Variants in PRKCZ observed in about 807,000 individuals in gnomAD.
The protein encoded by PRKCZ is protein kinase C zeta type.
PRKCZ carries 33 observed loss-of-function variants against 79.5 expected under a neutral mutation model. The ratio of observed to expected loss-of-function variants is 0.41; its 90% CI spans 0.31 to 0.55. The LOEUF is 0.55. Among genes scored for constraint, PRKCZ ranks in the 20% least tolerant of loss-of-function variants. PRKCZ has a pLI of 0.19. For missense variants in PRKCZ, 578 were observed against 813.5 expected (o/e 0.71, Z 3.52); for synonymous variants, 342 against 320.9 (o/e 1.07, Z -0.70).
chr1:2,097,704 G>C (rs1666761993), intron 4 of PRKCZ, among the ~76,000 whole-genome samples: 2 of 152,318 alleles, frequency 1.3e-5, no homozygotes, highest in African/African-American at 4.8e-5. Flanking sequence ...CCCGTGCCAG[G>C]GGGGCCCAGG....
At chr1:2,066,642 C>G (rs535285367) in intron 4 of PRKCZ, among the ~76,000 whole-genome samples, 1 of 152,196 alleles carries the variant, frequency 6.6e-6, no homozygotes, top group South Asian at 2.1e-4. Flanking sequence ...GCGCCCGGCC[C>G]TGCTCTCATC....
chr1:2,108,059 C>T (rs539694836), intron 4 of PRKCZ, among the ~76,000 whole-genome samples: 5 of 152,346 alleles, frequency 3.3e-5, no homozygotes, highest in South Asian at 4.1e-4. Context: ...CTGGGCCAGT[C>T]GGGGTGGTTG....
intron 9 of PRKCZ, among the ~76,000 whole-genome samples, chr1:2,154,209 C>T (rs573971657): frequency 6.6e-5 from 10 of 152,144 alleles, no homozygotes; most frequent in Non-Finnish European, 1.5e-4. Context: ...GGAGGAGATG[C>T]GGGCTGGCGA....
At chr1:2,126,459 C>A (rs1673913280) in intron 4 of PRKCZ, among the ~76,000 whole-genome samples, 2 of 152,094 alleles carry the variant, frequency 1.3e-5, no homozygotes, top group South Asian at 2.1e-4. Flanking sequence ...ACCTGTCTCC[C>A]CCCAGCCGCC....
intron 5 of PRKCZ, among the ~76,000 whole-genome samples, chr1:2,139,514 G>T (rs374890360): frequency 6.6e-6 from 1 of 152,132 alleles, no homozygotes; most frequent in African/African-American, 2.4e-5. Flanking sequence ...GCTTGAACCC[G>T]GGAGGCAGAG....
In PRKCZ at chr1:2,082,728, C is replaced by A. The variant is rs1459623745; in HGVS notation, c.334+23137C>A. On this transcript the variant is annotated intron_variant, in intron 4 of 17. Transcript: ENST00000378567. The surrounding 1 kb of genome is among the most constrained non-coding windows in gnomAD (Gnocchi z 4.4). The stretch of plus-strand genomic sequence containing the variant: ...CCCCTGGAGATGGGATGTCAGGAGA[C>A]CTGGTTCCATTTGTTTTTTTGCCTG... 1.4e-5 allele frequency among the ~76,000 whole-genome samples: 2 copies of A among 146,464 alleles called. No individual in the cohort carries two copies. The highest frequency in any genetic ancestry group is 5.0e-5 in the African/African-American group (2 of 40,308).
chr1:2,171,916 C>A, intron 11 of PRKCZ, 139 bp from the exon 12 acceptor site: 1 of 1,133,928 alleles, frequency 8.8e-7, no homozygotes, highest in South Asian at 1.6e-5. Flanking sequence ...GTGCACTGCA[C>A]TTTCAAATCC....
In PRKCZ at chr1:2,082,156, G is replaced by A. The variant is rs927957225; in HGVS notation, c.334+22565G>A. Reference sequence around the variant, plus strand: ...AGGGCGGACGTGGTCAGGGGTGCTGGACGCGTCAGACGGGTTCTTTGCAGC... The same window carrying A: ...AGGGCGGACGTGGTCAGGGGTGCTGAACGCGTCAGACGGGTTCTTTGCAGC... On this transcript the variant is annotated intron_variant, in intron 4 of 17. Transcript: ENST00000378567. The surrounding 1 kb of genome is among the most constrained non-coding windows in gnomAD (Gnocchi z 4.4). 2.9e-6 allele frequency: 1 copy of A among 341,196 alleles called. No homozygotes were observed. The highest frequency in any genetic ancestry group is 4.4e-5 in the Admixed American group (1 of 22,832). 21.1% of individuals were successfully genotyped at this position (341,196 alleles called of 1,614,324 possible).
intron 4 of PRKCZ, among the ~76,000 whole-genome samples, chr1:2,105,646 C>G (rs986661344): frequency 3.9e-5 from 6 of 152,168 alleles, no homozygotes; most frequent in Admixed American, 3.9e-4. Context: ...GTGGTCCACC[C>G]ACCTCAGCCT....
chr1:2,166,557 G>A (rs957874471), intron 10 of PRKCZ, among the ~76,000 whole-genome samples: 2 of 152,086 alleles, frequency 1.3e-5, no homozygotes, highest in African/African-American at 4.8e-5. Context: ...CATCCCCAGC[G>A]CCTCCAGGCC....
chr1:2,060,431 G>A (rs894058435), intron 4 of PRKCZ, among the ~76,000 whole-genome samples: 4 of 152,292 alleles, frequency 2.6e-5, no homozygotes, highest in African/African-American at 7.2e-5. Flanking sequence ...CAGTTGGGGC[G>A]AGAGTCTTGG....
chr1:2,106,469 A>G (rs3128333), intron 4 of PRKCZ, among the ~76,000 whole-genome samples: 21,297 of 77,524 alleles, frequency 0.27, 2,790 homozygotes, highest in African/African-American at 0.37. Context: ...AAGCCCCTCC[A>G]GTGGGCGAGG....
At chr1:2,112,533 C>T (rs184740446) in intron 4 of PRKCZ, among the ~76,000 whole-genome samples, 179 of 152,294 alleles carry the variant, frequency 1.2e-3, no homozygotes, top group Non-Finnish European at 1.9e-3. Flanking sequence ...GGGGTGCAGC[C>T]GCCGCTTGGA....
At chr1:2,080,752 C>T (rs906223158) in intron 4 of PRKCZ, among the ~76,000 whole-genome samples, 4 of 152,162 alleles carry the variant, frequency 2.6e-5, no homozygotes, top group East Asian at 3.9e-4. Context: ...CCCAGGATCC[C>T]GTCCAGGGCC....
chr1:2,100,149 G>T (rs752009415), intron 4 of PRKCZ, among the ~76,000 whole-genome samples: 3 of 152,188 alleles, frequency 2.0e-5, no homozygotes, highest in Non-Finnish European at 4.4e-5. Context: ...CCCTGCTTCC[G>T]ACCCCACCAC....
chr1:2,094,589 C>T lies in PRKCZ; in HGVS notation c.334+34998C>T, dbSNP rs1316896636. Among the ~76,000 whole-genome samples, 1 of 94,996 alleles carries T rather than the reference C, an allele frequency of 1.1e-5. No homozygotes were observed. The highest frequency in any genetic ancestry group is 1.9e-5 in the Non-Finnish European group (1 of 53,172). 62.3% of individuals were successfully genotyped at this position (94,996 alleles called of 152,430 possible). On this transcript the variant is annotated intron_variant, in intron 4 of 17. Transcript: ENST00000378567. The surrounding 1 kb of genome is among the most constrained non-coding windows in gnomAD (Gnocchi z 7.3). ...ACCTTGGGCGCTGCCCGTTCTGAGG[C>T]GCCCGCTGTGCCCGGCTCGATGAAC...
chr1:2,073,880 G>A (rs948444691), intron 4 of PRKCZ: 16 of 1,163,532 alleles, frequency 1.4e-5, no homozygotes, highest in South Asian at 9.1e-5. Flanking sequence ...CACGCCCGCC[G>A]CGCACAGAGC....
intron 4 of PRKCZ, among the ~76,000 whole-genome samples, chr1:2,106,995 C>T (rs1299423160): frequency 6.7e-6 from 1 of 148,328 alleles, no homozygotes; most frequent in Non-Finnish European, 1.5e-5. Flanking sequence ...CTTGACTTCA[C>T]CAAACGCAGC....
intron 4 of PRKCZ, among the ~76,000 whole-genome samples, chr1:2,079,875 G>A (rs1195766482): frequency 2.0e-5 from 3 of 152,164 alleles, no homozygotes; most frequent in Non-Finnish European, 4.4e-5. Context: ...AGTCCCCAGG[G>A]GAGTGTCCTG....
Sources: gnomAD v4.1 joint callset for allele counts (sites outside exome capture counted in the v4.1 genomes callset) on GRCh38, gnomAD v4.1.1 for gene constraint, Gnocchi (gnomAD v3.1) non-coding constraint, MANE v1.5 for transcripts, NCBI Gene and HGNC (gene_info 2026-07-23, HGNC 2026-07-21) for gene names.